The following TGFB1 variants were observed in gnomAD, a reference collection of about 807,000 sequenced individuals.
TGFB1 encodes transforming growth factor beta-1 proprotein.
In TGFB1, 19 loss-of-function variants were observed where a neutral mutation model predicts 43.8. The observed-to-expected ratio is 0.43, with a 90% CI of 0.30 to 0.64. TGFB1 has a LOEUF of 0.64. Ranked by LOEUF, TGFB1 falls within the 30% of genes least tolerant of loss-of-function variation. The pLI, the probability that TGFB1 is intolerant of heterozygous loss-of-function variation, is 0.11. For synonymous variants in TGFB1, 221 were observed against 236.3 expected, an observed-to-expected ratio of 0.94 and a Z score of 0.60; for missense variants, 445 against 529.8, an observed-to-expected ratio of 0.84 and a Z score of 1.57.
At chr19:41,350,583 C>G (rs1230857618) in intron 1 of TGFB1, among the ~76,000 whole-genome samples, 1 of 152,136 alleles carries the variant, frequency 6.6e-6, no homozygotes, top group Non-Finnish European at 1.5e-5. Context: ...GCTGGGATTA[C>G]AGGCGTGAGC....
At chr19:41,339,620 C>T (rs577670066) in intron 5 of TGFB1, among the ~76,000 whole-genome samples, 4 of 152,048 alleles carry the variant, frequency 2.6e-5, no homozygotes, top group Admixed American at 6.5e-5. Flanking sequence ...GTCAGGAGTT[C>T]GAGACCAGCC....
In TGFB1 at chr19:41,342,020, G is replaced by T. The variant is rs35383147; in HGVS notation, c.723C>A (p.Thr241=). The T allele has an allele frequency of 6.2e-7, 1 of 1,614,176 alleles. No homozygotes were observed. The highest frequency in any genetic ancestry group is 1.1e-5 in the South Asian group (1 of 91,086). ...TGGTGGCCAGGTCACCTCGGCGGCCGGTAGTGAACCCTGCTTTGGTGTGGG... is the reference window on the plus strand; with the variant it reads ...TGGTGGCCAGGTCACCTCGGCGGCCTGTAGTGAACCCTGCTTTGGTGTGGG... The part of the protein sequence containing the change: ...TLQVDINGFT[T]GRRGDLATIH... Residue 241 remains threonine, a synonymous_variant, in exon 5 of 7, where the codon ACC becomes ACA. Transcript: ENST00000221930.
intron 1 of TGFB1, 80 bp from the exon 2 acceptor site, chr19:41,348,535 T>G: frequency 6.9e-7 from 1 of 1,456,000 alleles, no homozygotes; most frequent in South Asian, 1.1e-5. Context: ...CTAGGAGTTT[T>G]GGAGCTGACA....
chr19:41,348,575 TTTTATTTATTTA>T lies in TGFB1; in HGVS notation c.356-132_356-121del, dbSNP rs59416536. On this transcript the variant is annotated intron_variant, in intron 1 of 6. Coordinates refer to ENST00000221930, the MANE Select transcript of TGFB1 (RefSeq NM_000660.7). Reference sequence around the variant, plus strand: ...TGGGGTGGAGTCAGTCTCTGATACCTTTTATTTATTTATTTATTTATTTATTTATTTATTTAT... The same window carrying T: ...TGGGGTGGAGTCAGTCTCTGATACCTTTTATTTATTTATTTATTTATTTAT... The T allele has an allele frequency of 9.2e-3, 2,637 of 286,288 alleles. 43 individuals carry two copies. Among genetic ancestry groups the T allele is most frequent in the South Asian group, 0.018 (293 of 16,070 alleles). The allele number at this position is 286,288 out of a possible 1,614,324, so 17.7% of individuals were successfully genotyped here.
intron 5 of TGFB1, among the ~76,000 whole-genome samples, chr19:41,339,207 C>G (rs2038024716): frequency 6.6e-6 from 1 of 151,642 alleles, no homozygotes; most frequent in South Asian, 2.1e-4. Flanking sequence ...CAGCCACAAC[C>G]TCCTAGGCTC....
intron 6 of TGFB1, among the ~76,000 whole-genome samples, chr19:41,331,693 C>T (rs1376569317): frequency 6.7e-6 from 1 of 149,014 alleles, no homozygotes; most frequent in African/African-American, 2.5e-5. Context: ...GTATTACCAT[C>T]GTGAGCCGCC....
At chr19:41,341,782 C>G in intron 5 of TGFB1, 101 bp downstream of exon 5, 1 of 1,489,668 alleles carries the variant, frequency 6.7e-7, no homozygotes, top group Non-Finnish European at 9.3e-7. Context: ...ATGCTCAGCC[C>G]AAGCACAGCA....
intron 5 of TGFB1, among the ~76,000 whole-genome samples, chr19:41,339,756 G>A (rs567599275): frequency 7.9e-5 from 12 of 152,186 alleles, no homozygotes; most frequent in East Asian, 3.9e-4. Flanking sequence ...CCTGGGAGGC[G>A]GAGGTTGCAG....
intron 5 of TGFB1, among the ~76,000 whole-genome samples, chr19:41,338,645 C>T (rs1278863513): frequency 6.6e-6 from 1 of 151,864 alleles, no homozygotes; most frequent in Admixed American, 6.6e-5. Flanking sequence ...TCAAGACCAG[C>T]CTGGGCAATA....
chr19:41,345,732 T>C (rs1184755161), intron 2 of TGFB1, among the ~76,000 whole-genome samples: 1 of 150,718 alleles, frequency 6.6e-6, no homozygotes, highest in African/African-American at 2.4e-5. Flanking sequence ...TGAAACCTCG[T>C]CTCTACTAAA....
At chr19:41,352,047 TA>T (rs980212802) in intron 1 of TGFB1, among the ~76,000 whole-genome samples, 1 of 151,794 alleles carries the variant, frequency 6.6e-6, no homozygotes, top group Non-Finnish European at 1.5e-5. Context: ...CTCCTTCCAA[TA>T]ACCTCCCGTC....
intron 6 of TGFB1, 35 bp from the exon 7 acceptor site, chr19:41,331,245 C>T (rs1189048539): frequency 1.4e-6 from 2 of 1,475,162 alleles, no homozygotes; most frequent in East Asian, 2.6e-5. Flanking sequence ...GCTCAGGGCT[C>T]GTGGAGGGAG....
chr19:41,341,815 G>A, intron 5 of TGFB1, 68 bp downstream of exon 5: 1 of 1,593,764 alleles, frequency 6.3e-7, no homozygotes, highest in Non-Finnish European at 8.6e-7. Flanking sequence ...CCAACCTGGA[G>A]CACCTGGTCA....
At chr19:41,350,345 C>G (rs1483615128) in intron 1 of TGFB1, among the ~76,000 whole-genome samples, 1 of 148,376 alleles carries the variant, frequency 6.7e-6, no homozygotes, top group Non-Finnish European at 1.5e-5. Flanking sequence ...GTTTCTGTCG[C>G]CCAGGCTGGA....
chr19:41,344,628 G>GTCTCAGCACTT, intron 3 of TGFB1, 119 bp downstream of exon 3: 1 of 893,566 alleles, frequency 1.1e-6, no homozygotes, highest in Non-Finnish European at 1.9e-6. Context: ...GGGGAGCCAG[G>GTCTCAGCACTT]TCTCAGCACT....
intron 5 of TGFB1, among the ~76,000 whole-genome samples, chr19:41,336,213 G>A (rs1031438053): frequency 2.6e-5 from 4 of 151,880 alleles, no homozygotes; most frequent in Admixed American, 1.3e-4. Flanking sequence ...GGACAGGCTG[G>A]TCTCGAACTC....
chr19:41,342,065 TACAC>T (rs760991789), intron 4 of TGFB1, 35 bp from the exon 5 acceptor site: 1 of 1,613,896 alleles, frequency 6.2e-7, no homozygotes, highest in South Asian at 1.1e-5. Flanking sequence ...ATAGGGGACA[TACAC>T]ACACACTCTC....
At chr19:41,331,402 C>A (rs752920428) in intron 6 of TGFB1, among the ~76,000 whole-genome samples, 192 bp from the exon 7 acceptor site, 1 of 151,792 alleles carries the variant, frequency 6.6e-6, no homozygotes, top group Non-Finnish European at 1.5e-5. Context: ...CCCCACCTGT[C>A]TGATTTTCTT....
chr19:41,332,254 C>T lies in TGFB1; in HGVS notation c.888G>A (p.Arg296=). 2 of 1,614,114 alleles carry T rather than the reference C, an allele frequency of 1.2e-6. No individual in the cohort carries two copies. Among genetic ancestry groups the T allele is most frequent in the Middle Eastern group, 1.7e-4 (1 of 6,058 alleles). ...CCTTGCGGAAGTCAATGTACAGCTG[C>T]CGCACGCAGCAGTTCTTCTCCGTGG... ...FSSTEKNCCV[R]QLYIDFRKDL... Residue 296 remains arginine (R), a synonymous_variant, in exon 6 of 7, where the codon CGG becomes CGA. Transcript: ENST00000221930.
Sources: gnomAD v4.1 joint callset for allele counts (sites outside exome capture counted in the v4.1 genomes callset) on GRCh38, gnomAD v4.1.1 for gene constraint, MANE v1.5 for transcripts, NCBI Gene and HGNC (gene_info 2026-07-23, HGNC 2026-07-21) for gene names.